The following ALCAM variants were observed in gnomAD, a reference collection of about 807,000 sequenced individuals.
The protein encoded by ALCAM is CD166 antigen.
ALCAM carries 30 observed loss-of-function variants against 70.9 expected under a neutral mutation model. The ratio of observed to expected loss-of-function variants is 0.42; its 90% CI spans 0.32 to 0.57. ALCAM has a LOEUF of 0.57. Among genes scored for constraint, ALCAM ranks in the 20% least tolerant of loss-of-function variants. The pLI is 0.11. For synonymous variants in ALCAM, 249 were observed against 242.5 expected (o/e 1.03, Z -0.25); for missense variants, 591 against 695.1 (o/e 0.85, Z 1.68).
chr3:105,415,533 T>C (rs1004049391), intron 1 of ALCAM, among the ~76,000 whole-genome samples: 1 of 152,150 alleles, frequency 6.6e-6, no homozygotes, highest in Non-Finnish European at 1.5e-5. Context: ...CACATTAATA[T>C]CAGCCAAAGA....
At chr3:105,409,376 A>G (rs944432635) in intron 1 of ALCAM, among the ~76,000 whole-genome samples, 3 of 152,154 alleles carry the variant, frequency 2.0e-5, no homozygotes, top group Admixed American at 6.6e-5. Flanking sequence ...CTACTCAGCC[A>G]TAAAAAGGAA....
intron 8 of ALCAM, among the ~76,000 whole-genome samples, chr3:105,544,434 T>G (rs1940195196): frequency 6.6e-6 from 1 of 151,562 alleles, no homozygotes; most frequent in Admixed American, 6.6e-5. Flanking sequence ...TTTGTACCTC[T>G]GTTTCTAGCC....
At chr3:105,434,763 T>C (rs889736332) in intron 1 of ALCAM, among the ~76,000 whole-genome samples, 2 of 152,122 alleles carry the variant, frequency 1.3e-5, no homozygotes, top group Non-Finnish European at 2.9e-5. Flanking sequence ...TAAGTTTATA[T>C]TGGAATTTTG....
chr3:105,416,788 A>C (rs984257429), intron 1 of ALCAM, among the ~76,000 whole-genome samples: 4 of 151,986 alleles, frequency 2.6e-5, no homozygotes. Flanking sequence ...ATAAATGTTA[A>C]TAAATTAGAT....
chr3:105,536,713 T>G (rs556849433), intron 6 of ALCAM, among the ~76,000 whole-genome samples: 52 of 151,980 alleles, frequency 3.4e-4, no homozygotes, highest in Non-Finnish European at 6.8e-4. Context: ...ATTCAAGGAG[T>G]GTACTACTCC....
intron 1 of ALCAM, among the ~76,000 whole-genome samples, chr3:105,396,938 T>G (rs1935967884): frequency 6.6e-6 from 1 of 152,132 alleles, no homozygotes; most frequent in Admixed American, 6.6e-5. Flanking sequence ...TTTTATCCAA[T>G]TTCAGCTTAT....
At position 105,576,123 on chromosome 3, in the gene ALCAM, G is replaced by A. The variant is rs1336452248; in HGVS notation, c.*1672G>A. 3 of 152,200 alleles carry A rather than the reference G, an allele frequency of 2.0e-5. No individual in the cohort carries two copies. The highest frequency in any genetic ancestry group is 4.2e-4 in the South Asian group (2 of 4,816). The allele number at this position is 152,200 out of a possible 1,614,324, so 9.4% of individuals were successfully genotyped here. A position where few individuals can be genotyped will look rare whatever the true frequency, so the allele number is the denominator to read the frequency against. ...CTCGATGCTGTATAAAATATTATGG[G>A]AAAAAAAGAAAATACGTTATTTTGC... On this transcript the variant is annotated 3_prime_UTR_variant, in exon 16 of 16. Coordinates refer to ENST00000306107, the MANE Select transcript of ALCAM (RefSeq NM_001627.4).
At chr3:105,572,257 C>A (rs191555581) in intron 15 of ALCAM, among the ~76,000 whole-genome samples, 254 of 152,250 alleles carry the variant, frequency 1.7e-3, no homozygotes, top group African/African-American at 5.8e-3. Context: ...TGACAGGCCC[C>A]ATTGTGTGGT....
chr3:105,460,611 C>T (rs1326851165), intron 1 of ALCAM, among the ~76,000 whole-genome samples: 1 of 151,874 alleles, frequency 6.6e-6, no homozygotes, highest in Admixed American at 6.6e-5. Context: ...GAGAAGGGTA[C>T]ACTTTCTTCA....
chr3:105,392,529 C>G (rs75186868), intron 1 of ALCAM, among the ~76,000 whole-genome samples: 1 of 150,946 alleles, frequency 6.6e-6, no homozygotes, highest in Non-Finnish European at 1.5e-5. Flanking sequence ...AAAAATAGCT[C>G]GTAGATTCAT....
At chr3:105,449,163 A>G (rs1937364970) in intron 1 of ALCAM, among the ~76,000 whole-genome samples, 1 of 152,190 alleles carries the variant, frequency 6.6e-6, no homozygotes, top group Admixed American at 6.5e-5. Context: ...TAATGATTCT[A>G]CAACTGTATG....
chr3:105,567,742 G>T (rs775789811), intron 14 of ALCAM, among the ~76,000 whole-genome samples: 1 of 152,032 alleles, frequency 6.6e-6, no homozygotes, highest in Non-Finnish European at 1.5e-5. Flanking sequence ...ATTCTTGCCT[G>T]CTGATTCCAA....
intron 1 of ALCAM, among the ~76,000 whole-genome samples, chr3:105,378,236 A>ATG (rs550129764): frequency 7.9e-5 from 12 of 151,894 alleles, no homozygotes; most frequent in South Asian, 2.1e-4. Flanking sequence ...ATATATATAT[A>ATG]GTTTTGAAAA....
At chr3:105,485,249 C>CA (rs1447295083) in intron 1 of ALCAM, among the ~76,000 whole-genome samples, 3 of 151,858 alleles carry the variant, frequency 2.0e-5, no homozygotes, top group Non-Finnish European at 4.4e-5. Flanking sequence ...TGCTCCTGCT[C>CA]AAAAAAATGC....
At chr3:105,479,932 C>T (rs1248709316) in intron 1 of ALCAM, among the ~76,000 whole-genome samples, 1 of 152,128 alleles carries the variant, frequency 6.6e-6, no homozygotes, top group African/African-American at 2.4e-5. Flanking sequence ...TCCCTACACA[C>T]AAAGCACAAA....
At chr3:105,553,685 C>G (rs1440287927) in intron 14 of ALCAM, among the ~76,000 whole-genome samples, 2 of 151,836 alleles carry the variant, frequency 1.3e-5, no homozygotes, top group African/African-American at 4.8e-5. Context: ...AGTCACATAG[C>G]AGCATGAGCA....
intron 14 of ALCAM, among the ~76,000 whole-genome samples, chr3:105,566,609 G>C (rs749903677): frequency 6.6e-6 from 1 of 151,662 alleles, no homozygotes; most frequent in Non-Finnish European, 1.5e-5. Context: ...CTTTGTGTTC[G>C]TTTACTGTGG....
chr3:105,513,199 T>C (rs1033943581), intron 1 of ALCAM: 4 of 151,642 alleles, frequency 2.6e-5, no homozygotes, highest in African/African-American at 7.3e-5. Context: ...ATAGACCCCA[T>C]AGCCTGGCCA....
chr3:105,543,520 A>G (rs549057037), intron 8 of ALCAM, among the ~76,000 whole-genome samples: 1 of 151,546 alleles, frequency 6.6e-6, no homozygotes, highest in Non-Finnish European at 1.5e-5. Context: ...TCCAAAAACA[A>G]GATTTGTTTC....
Sources: allele counts gnomAD v4.1 joint callset (sites outside exome capture counted in the v4.1 genomes callset), GRCh38; gene constraint gnomAD v4.1.1; transcripts MANE v1.5; gene names NCBI Gene and HGNC (gene_info 2026-07-23, HGNC 2026-07-21).